Variants in CLECL1 observed in about 807,000 individuals in gnomAD.
CLECL1 encodes the protein C-type lectin-like domain family 1.
chr12:9,725,360 C>CTGA (rs1265109870), intron 3 of CLECL1, among the ~76,000 whole-genome samples: 1 of 152,048 alleles, frequency 6.6e-6, no homozygotes, highest in African/African-American at 2.4e-5. Flanking sequence ...CTTTCTCAGA[C>CTGA]TGATATAATG....
downstream of CLECL1, among the ~76,000 whole-genome samples, chr12:9,713,429 A>G (rs1194644462): frequency 6.6e-6 from 1 of 152,254 alleles, no homozygotes; most frequent in Admixed American, 6.5e-5. Context: ...AGCATGAACA[A>G]TGCAATCTAC....
chr12:9,733,685 T>A (rs765821571), upstream of CLECL1, among the ~76,000 whole-genome samples: 1 of 152,142 alleles, frequency 6.6e-6, no homozygotes. Flanking sequence ...GAAATAACTC[T>A]GTTAAAATAA....
chr12:9,710,104 A>C, the CLECL1 span, among the ~76,000 whole-genome samples: 3 of 152,366 alleles, frequency 2.0e-5, no homozygotes, highest in East Asian at 1.9e-4. Context: ...GAGTGAAACA[A>C]CTTGGGGTAC....
At chr12:9,729,549 A>G (rs1033181971) in intron 2 of CLECL1, among the ~76,000 whole-genome samples, 10 of 149,920 alleles carry the variant, frequency 6.7e-5, no homozygotes, top group South Asian at 4.4e-4. Flanking sequence ...TAGGAGAAAA[A>G]TAATACCCTG....
the CLECL1 span, among the ~76,000 whole-genome samples, chr12:9,702,322 A>G: frequency 6.6e-6 from 1 of 152,186 alleles, no homozygotes; most frequent in South Asian, 2.1e-4. Flanking sequence ...CCCACCATCA[A>G]GCTGTCCCTC....
chr12:9,702,348 T>G, the CLECL1 span, among the ~76,000 whole-genome samples: 2 of 152,114 alleles, frequency 1.3e-5, no homozygotes, highest in East Asian at 3.8e-4. Context: ...TCAAACTGCT[T>G]CTCTCTGACA....
intron 2 of CLECL1, among the ~76,000 whole-genome samples, chr12:9,727,854 C>G (rs1023022735): frequency 5.9e-5 from 9 of 151,710 alleles, no homozygotes; most frequent in Non-Finnish European, 1.0e-4. Flanking sequence ...CTTTTGCACT[C>G]TTATTAACCT....
At chr12:9,716,278 G>C (rs1866238936) in exon 3 of CLECL1, 2 of 152,358 alleles carry the variant, frequency 1.3e-5, no homozygotes, top group Non-Finnish European at 2.9e-5. Context: ...CCAGGATCCT[G>C]TTCCTATATC....
At chr12:9,721,504 C>T (rs1004503942), downstream of CLECL1, among the ~76,000 whole-genome samples, 22 of 152,118 alleles carry the variant, frequency 1.4e-4, no homozygotes, top group African/African-American at 4.8e-4. Flanking sequence ...AGTAAGTTTC[C>T]GTTAAAATGT....
chr12:9,713,370 T>C (rs1287905417), downstream of CLECL1, among the ~76,000 whole-genome samples: 1 of 152,248 alleles, frequency 6.6e-6, no homozygotes, highest in Non-Finnish European at 1.5e-5. Context: ...CATCTTCCTA[T>C]AGTTCTTTTT....
exon 1 of CLECL1, chr12:9,732,952 A>G: frequency 1.3e-6 from 2 of 1,597,614 alleles, no homozygotes; most frequent in South Asian, 2.2e-5. Flanking sequence ...AGCTTACCAG[A>G]TCTCTGAAGT....
chr12:9,728,933 A>G (rs118102539), intron 2 of CLECL1, among the ~76,000 whole-genome samples: 910 of 85,886 alleles, frequency 0.011, 4 homozygotes, highest in Non-Finnish European at 0.014. Context: ...ATTCAGTGAC[A>G]TAGACACTGC....
chr12:9,716,338 G>A (rs1009647833), exon 3 of CLECL1: 6 of 153,260 alleles, frequency 3.9e-5, no homozygotes, highest in East Asian at 1.9e-4. Context: ...TTGTCTTCTC[G>A]CCAAACTTGG....
chr12:9,716,711 G>A, exon 3 of CLECL1: 1 of 1,160,348 alleles, frequency 8.6e-7, no homozygotes, highest in African/African-American at 1.6e-5. Flanking sequence ...GATGCCTGTA[G>A]CCTCTGTCTC....
At chr12:9,729,098 G>A (rs1866414855) in intron 2 of CLECL1, among the ~76,000 whole-genome samples, 1 of 151,888 alleles carries the variant, frequency 6.6e-6, no homozygotes. Flanking sequence ...ATGAAAAATT[G>A]GACTATGTTT....
At chr12:9,733,828 G>A (rs1866484362), upstream of CLECL1, among the ~76,000 whole-genome samples, 1 of 152,278 alleles carries the variant, frequency 6.6e-6, no homozygotes, top group Non-Finnish European at 1.5e-5. Flanking sequence ...ATTGAATTAA[G>A]TGAATAAAAA....
At chr12:9,730,061 T>C (rs1265131030) in intron 1 of CLECL1, among the ~76,000 whole-genome samples, 1 of 152,212 alleles carries the variant, frequency 6.6e-6, no homozygotes, top group Non-Finnish European at 1.5e-5. Context: ...ATCCATTTCC[T>C]GTGATATAGC....
At chr12:9,703,375 G>GTTATTTATTTATTTAT in the CLECL1 span, among the ~76,000 whole-genome samples, 267 of 148,052 alleles carry the variant, frequency 1.8e-3, 1 homozygote, top group Non-Finnish European at 3.1e-3. Flanking sequence ...TTTGTGCTAG[G>GTTATTTATTTATTTAT]TTATTTATTT....
chr12:9,733,026 G>A (rs780345412), exon 1 of CLECL1: 1 of 1,614,210 alleles, frequency 6.2e-7, no homozygotes, highest in South Asian at 1.1e-5. Context: ...TACATCTCCA[G>A]CCATTGCACA....
Sources: allele counts gnomAD v4.1 joint callset (sites outside exome capture counted in the v4.1 genomes callset), GRCh38; gene constraint gnomAD v4.1.1; transcripts MANE v1.5; gene names NCBI Gene and HGNC (gene_info 2026-07-23, HGNC 2026-07-21).